The following PIP5K1B variants were observed in gnomAD, a reference collection of about 807,000 sequenced individuals.
PIP5K1B encodes phosphatidylinositol 4-phosphate 5-kinase type-1 beta.
PIP5K1B carries 42 observed loss-of-function variants against 67.0 expected under a neutral mutation model. That is an observed-to-expected ratio of 0.63 (90% CI 0.49 to 0.81). The LOEUF (loss-of-function observed/expected upper bound fraction) is 0.81. Ranked by LOEUF, PIP5K1B falls within the 30% of genes least tolerant of loss-of-function variation. The probability of loss-of-function intolerance (pLI) is 0.00; values close to 1 mark genes in which losing one functional copy is unlikely to be tolerated. For missense variants in PIP5K1B, 459 were observed against 646.3 expected (o/e 0.71, Z 3.14); for synonymous variants, 214 against 231.4 (o/e 0.92, Z 0.68).
chr9:68,945,066 CTT>C (rs575360583), intron 14 of PIP5K1B, among the ~76,000 whole-genome samples: 25 of 139,806 alleles, frequency 1.8e-4, no homozygotes, highest in East Asian at 2.1e-4. Flanking sequence ...TGTTTGAGAC[CTT>C]TTTTTTTTTT....
At chr9:68,945,474 G>A (rs1827758886) in intron 14 of PIP5K1B, among the ~76,000 whole-genome samples, 1 of 152,160 alleles carries the variant, frequency 6.6e-6, no homozygotes, top group Non-Finnish European at 1.5e-5. Context: ...TCTACCTATA[G>A]TATTTGTTCT....
chr9:68,803,628 C>A (rs1832719135), intron 2 of PIP5K1B, among the ~76,000 whole-genome samples: 1 of 152,266 alleles, frequency 6.6e-6, no homozygotes, highest in Admixed American at 6.5e-5. Context: ...CACTTCCCAA[C>A]TGAGTTTGCC....
chr9:68,874,354 A>G (rs183672784), intron 5 of PIP5K1B, among the ~76,000 whole-genome samples: 2 of 152,272 alleles, frequency 1.3e-5, no homozygotes, highest in Admixed American at 1.3e-4. Context: ...CTGTATGCCT[A>G]AGGAAATAAA....
intron 1 of PIP5K1B, among the ~76,000 whole-genome samples, chr9:68,731,350 G>A (rs755680307): frequency 4.6e-5 from 7 of 152,210 alleles, no homozygotes; most frequent in Non-Finnish European, 1.0e-4. Flanking sequence ...TGATGATCCA[G>A]TTCCTTTGTC....
At chr9:68,915,301 A>G (rs1043079739) in intron 8 of PIP5K1B, among the ~76,000 whole-genome samples, 3 of 151,900 alleles carry the variant, frequency 2.0e-5, no homozygotes, top group African/African-American at 7.3e-5. Flanking sequence ...ATGGTCATTC[A>G]TTGTGAAGAG....
At chr9:68,797,349 G>A (rs1832351285) in intron 2 of PIP5K1B, among the ~76,000 whole-genome samples, 1 of 152,210 alleles carries the variant, frequency 6.6e-6, no homozygotes, top group South Asian at 2.1e-4. Flanking sequence ...GAGACAAGGG[G>A]TACATGATGA....
intron 14 of PIP5K1B, among the ~76,000 whole-genome samples, chr9:68,985,158 A>C (rs1830047186): frequency 6.6e-6 from 1 of 152,220 alleles, no homozygotes; most frequent in African/African-American, 2.4e-5. Flanking sequence ...GTAGGCTTAC[A>C]GTTGGCCACT....
intron 2 of PIP5K1B, among the ~76,000 whole-genome samples, chr9:68,771,567 T>G (rs1349198593): frequency 1.3e-5 from 2 of 152,200 alleles, no homozygotes; most frequent in African/African-American, 4.8e-5. Flanking sequence ...CTCCTCTCTT[T>G]GTCTCATTTC....
At chr9:68,830,563 G>A (rs574780804) in intron 4 of PIP5K1B, among the ~76,000 whole-genome samples, 16 of 152,264 alleles carry the variant, frequency 1.1e-4, no homozygotes, top group African/African-American at 3.6e-4. Flanking sequence ...TCTGCCTTCT[G>A]ATTAACTGTA....
intron 1 of PIP5K1B, among the ~76,000 whole-genome samples, chr9:68,723,034 G>A (rs1351756791): frequency 6.6e-6 from 1 of 152,114 alleles, no homozygotes; most frequent in African/African-American, 2.4e-5. Flanking sequence ...CCACATACGA[G>A]TGAGAACATG....
intron 2 of PIP5K1B, among the ~76,000 whole-genome samples, chr9:68,814,695 C>T (rs12555750): frequency 0.25 from 37,615 of 151,652 alleles, 5,417 homozygotes; most frequent in Middle Eastern, 0.33. Flanking sequence ...TGGCGTGCAC[C>T]GGTAATCCCA....
At chr9:68,761,387 A>G (rs890930431) in intron 2 of PIP5K1B, among the ~76,000 whole-genome samples, 3 of 152,138 alleles carry the variant, frequency 2.0e-5, no homozygotes, top group Non-Finnish European at 1.5e-5. Flanking sequence ...CACATGCTTT[A>G]GAGATTACAG....
intron 4 of PIP5K1B, among the ~76,000 whole-genome samples, chr9:68,847,413 T>TGTGTGTGTG (rs1822248062): frequency 3.0e-5 from 3 of 101,618 alleles, no homozygotes; most frequent in South Asian, 4.1e-4. Context: ...AGCAGTGGTT[T>TGTGTGTGTG]TGTGTGTGTG....
At chr9:68,937,980 C>T (rs1251630203) in intron 13 of PIP5K1B, among the ~76,000 whole-genome samples, 4 of 151,964 alleles carry the variant, frequency 2.6e-5, no homozygotes, top group South Asian at 4.1e-4. Context: ...TTATGATTTC[C>T]GGTCTTTTGC....
intron 8 of PIP5K1B, among the ~76,000 whole-genome samples, chr9:68,914,623 G>A (rs1826010313): frequency 6.6e-6 from 1 of 152,164 alleles, no homozygotes; most frequent in South Asian, 2.1e-4. Context: ...GCTGAGGCAG[G>A]AGAATGGTGT....
At chr9:68,926,622 A>G (rs1826717500) in intron 12 of PIP5K1B, among the ~76,000 whole-genome samples, 2 of 151,964 alleles carry the variant, frequency 1.3e-5, no homozygotes, top group South Asian at 4.2e-4. Context: ...CCCAGGTTGG[A>G]GTGCAATGGC....
At chr9:68,803,241 C>G (rs1485898985) in intron 2 of PIP5K1B, among the ~76,000 whole-genome samples, 1 of 152,018 alleles carries the variant, frequency 6.6e-6, no homozygotes, top group Non-Finnish European at 1.5e-5. Context: ...ATTTATAGTG[C>G]CTGCGAGATA....
chr9:68,940,163 G>A (rs1371441485), intron 13 of PIP5K1B, among the ~76,000 whole-genome samples: 2 of 152,236 alleles, frequency 1.3e-5, no homozygotes, highest in Non-Finnish European at 2.9e-5. Context: ...AGGTAGAGCT[G>A]ACTGTTAGTC....
intron 5 of PIP5K1B, among the ~76,000 whole-genome samples, chr9:68,865,451 A>G (rs1823310823): frequency 6.6e-6 from 1 of 152,152 alleles, no homozygotes; most frequent in Admixed American, 6.5e-5. Context: ...TGGTCTCCAA[A>G]GGTCTCTACC....
Sources: gnomAD v4.1 joint callset for allele counts (sites outside exome capture counted in the v4.1 genomes callset) on GRCh38, gnomAD v4.1.1 for gene constraint, MANE v1.5 for transcripts, NCBI Gene and HGNC (gene_info 2026-07-23, HGNC 2026-07-21) for gene names.